CFAP53: variants seen among roughly 807,000 people sequenced by gnomAD.
CFAP53 encodes the protein cilia and flagella associated protein 53, also known as cilia- and flagella-associated protein 53.
In CFAP53, 62 loss-of-function variants were observed where a neutral mutation model predicts 59.7. That is an observed-to-expected ratio of 1.04 (90% CI 0.85 to 1.28). The LOEUF is 1.28. CFAP53 is among the 50% of genes most tolerant of loss of function. The probability of loss-of-function intolerance (pLI) is 0.00; values close to 1 mark genes in which losing one functional copy is unlikely to be tolerated. For synonymous variants in CFAP53, 218 were observed against 205.7 expected, an observed-to-expected ratio of 1.06 and a Z score of -0.51; for missense variants, 629 against 615.6, an observed-to-expected ratio of 1.02 and a Z score of -0.23.
chr18:50,254,328 C>G (rs1455340904), intron 3 of CFAP53, among the ~76,000 whole-genome samples: 1 of 150,824 alleles, frequency 6.6e-6, no homozygotes, highest in Non-Finnish European at 1.5e-5. Context: ...GACATTTCAC[C>G]AAAGAAAATG....
intron 7 of CFAP53, among the ~76,000 whole-genome samples, chr18:50,236,670 C>A (rs2033636286): frequency 6.6e-6 from 1 of 152,132 alleles, no homozygotes; most frequent in South Asian, 2.1e-4. Context: ...TAACTGAGAT[C>A]CCTGACTACA....
intron 1 of CFAP53, among the ~76,000 whole-genome samples, chr18:50,266,076 A>G (rs1420370857): frequency 2.6e-5 from 4 of 152,230 alleles, no homozygotes; most frequent in Non-Finnish European, 5.9e-5. Flanking sequence ...TGATTCTCCA[A>G]AAACAGAACC....
intron 5 of CFAP53, among the ~76,000 whole-genome samples, chr18:50,244,200 T>C (rs2033720739): frequency 1.3e-5 from 2 of 152,218 alleles, no homozygotes; most frequent in Non-Finnish European, 2.9e-5. Context: ...TTTGGCTCTG[T>C]GTCCCCATCC....
intron 5 of CFAP53, among the ~76,000 whole-genome samples, chr18:50,248,667 C>A (rs1314089123): frequency 4.0e-5 from 6 of 151,548 alleles, no homozygotes. Flanking sequence ...CACCTGTAAT[C>A]CTAGCTACTC....
intron 7 of CFAP53, 34 bp from the exon 8 acceptor site, chr18:50,227,643 T>C (rs1245029329): frequency 1.4e-6 from 2 of 1,457,500 alleles, no homozygotes; most frequent in African/African-American, 2.8e-5. Context: ...CATAAAATTA[T>C]AAAAGTAAGC....
rs1412102729 is a variant in CFAP53 at position 50,238,658 on chromosome 18, G to A, written c.1261C>T (p.His421Tyr). 3.1e-6 allele frequency: 5 copies of A among 1,611,810 alleles called. No homozygotes were observed. The African/African-American group carries it at 5.3e-5, about 17-fold the overall frequency. ...AGTTCTTTAAGACTTTCATTTATGTGTTTCTGTTCCATAGCACGTTCTTCC... is the reference window on the plus strand; with the variant it reads ...AGTTCTTTAAGACTTTCATTTATGTATTTCTGTTCCATAGCACGTTCTTCC... The part of the protein sequence containing the change: ...EQEERAMEQK[H>Y]INESLKELNC... The change falls in exon 7 of 8, where the codon CAC (histidine) becomes TAC (tyrosine). Residue 421 changes from histidine to tyrosine, a missense_variant. Transcript: ENST00000398545.
chr18:50,248,779 C>T (rs1287263832), intron 5 of CFAP53, among the ~76,000 whole-genome samples: 3 of 141,950 alleles, frequency 2.1e-5, no homozygotes, highest in African/African-American at 5.3e-5. Context: ...AGCAAGACTC[C>T]GCCTAAAAAA....
intron 7 of CFAP53, among the ~76,000 whole-genome samples, chr18:50,233,072 G>C (rs1222036921): frequency 6.6e-6 from 1 of 152,186 alleles, no homozygotes; most frequent in Admixed American, 6.5e-5. Context: ...GCACTATAAA[G>C]TTAAGTGAAG....
rs562592331 is a variant in CFAP53, at chr18:50,263,981, T to C, written c.70-1762A>G. On this transcript the variant is annotated intron_variant, in intron 1 of 7. Coordinates refer to ENST00000398545, the MANE Select transcript of CFAP53 (RefSeq NM_145020.5). ...GCCAATCCCAGCACAGTCGTGGTAT[T>C]GTTCAAAGTCTGTACTGTTCAATAT... 7.9e-5 allele frequency among the ~76,000 whole-genome samples: 12 copies of C among 152,380 alleles called. No individual in the cohort carries two copies. In the East Asian group the frequency reaches 1.7e-3, roughly 22 times the overall value.
intron 1 of CFAP53, 28 bp from the exon 2 acceptor site, chr18:50,262,247 T>C (rs780601513): frequency 3.2e-6 from 5 of 1,566,454 alleles, no homozygotes; most frequent in East Asian, 4.5e-5. Flanking sequence ...CTATCACTTA[T>C]AATAAGCCAA....
In CFAP53 at chr18:50,266,455, C is replaced by G. The variant is rs555917558; in HGVS notation, c.-51G>C. 13 of 1,578,464 alleles carry G rather than the reference C, an allele frequency of 8.2e-6. No individual in the cohort carries two copies. The highest frequency in any genetic ancestry group is 1.3e-5 in the African/African-American group (1 of 74,264). Reference sequence around the variant, plus strand: ...CGGCGTCCGCCGCGTTTCCCCCAACCGTGGCGACCTGCGGGACCCGCTTCC... The same window carrying G: ...CGGCGTCCGCCGCGTTTCCCCCAACGGTGGCGACCTGCGGGACCCGCTTCC... On this transcript the variant is annotated 5_prime_UTR_variant, in exon 1 of 8. Transcript: ENST00000398545.
At position 50,251,521 on chromosome 18, in the gene CFAP53, T is replaced by A. The variant is rs776670631; in HGVS notation, c.737A>T (p.Gln246Leu). 9 of 1,614,098 alleles carry A rather than the reference T, an allele frequency of 5.6e-6. No homozygotes were observed. In the Admixed American group the frequency reaches 1.5e-4, roughly 27 times the overall value. Residue 246 changes from glutamine to leucine, a missense_variant, in exon 4 of 8, where the codon CAG becomes CTG. Physicochemically the swap from Gln to Leu is moderately radical, Grantham distance 113 (BLOSUM62 -2). Transcript: ENST00000398545. Reference sequence around the variant, plus strand: ...CTCTTCCTTCAGCAGCTGTGTCGCCTGCCTTTGTGCCTTGATGCTGGTGAT... The same window carrying A: ...CTCTTCCTTCAGCAGCTGTGTCGCCAGCCTTTGTGCCTTGATGCTGGTGAT... ...AQITSIKAQR[Q>L]ATQLLKEEEA...
chr18:50,227,231 G>A lies in CFAP53; in HGVS notation c.*150C>T. On this transcript the variant is annotated 3_prime_UTR_variant, in exon 8 of 8. Transcript: ENST00000398545. ...GTCTGTGAACTCCAAAATAGGCACAGGTTTATTCAAAGGAAGAAAATTATG... is the reference window on the plus strand; with the variant it reads ...GTCTGTGAACTCCAAAATAGGCACAAGTTTATTCAAAGGAAGAAAATTATG... The A allele has an allele frequency of 1.6e-6, 1 of 631,822 alleles. No homozygotes were observed. Among genetic ancestry groups the A allele is most frequent in the Non-Finnish European group, 2.7e-6 (1 of 367,468 alleles). The allele number at this position is 631,822 out of a possible 1,614,324, so 39.1% of individuals were successfully genotyped here.
At chr18:50,240,536 C>A (rs1259913429) in intron 6 of CFAP53, among the ~76,000 whole-genome samples, 1 of 152,150 alleles carries the variant, frequency 6.6e-6, no homozygotes, top group Admixed American at 6.6e-5. Context: ...CCTCCCTTGC[C>A]CAGATGTGCT....
intron 3 of CFAP53, among the ~76,000 whole-genome samples, chr18:50,256,930 C>T (rs1431833344): frequency 6.7e-6 from 1 of 148,400 alleles, no homozygotes; most frequent in Non-Finnish European, 1.5e-5. Context: ...ACATGATACA[C>T]ACCTTGCCCC....
In CFAP53 at chr18:50,251,585, C is replaced by T. The variant is rs779180443; in HGVS notation, c.673G>A (p.Glu225Lys). ...REAQEARRQK[E>K]LMENTRLGLN... is the part of the protein sequence containing the mutation. ...CCCAGGCGTGTGTTCTCCATCAGCT[C>T]TTTCTGTCTCCTCGCCTCTTGGGCT... is the stretch of plus-strand genomic sequence containing the variant. The change falls in exon 4 of 8, where the codon GAG becomes AAG. Residue 225 changes from glutamate to lysine, a missense_variant. Glu to Lys is a moderately conservative substitution (Grantham distance 56). Coordinates refer to ENST00000398545, the MANE Select transcript of CFAP53 (RefSeq NM_145020.5). 21 of 1,614,250 alleles carry T rather than the reference C, an allele frequency of 1.3e-5. No homozygotes were observed. Among genetic ancestry groups the T allele is most frequent in the Non-Finnish European group, 1.7e-5 (20 of 1,180,046 alleles).
chr18:50,245,244 C>T (rs1331904927), intron 5 of CFAP53, among the ~76,000 whole-genome samples: 6 of 150,160 alleles, frequency 4.0e-5, no homozygotes, highest in Non-Finnish European at 4.4e-5. Flanking sequence ...TAGCCAGGCG[C>T]GGTGGTGGGC....
chr18:50,245,879 T>C (rs1028429736), intron 5 of CFAP53, among the ~76,000 whole-genome samples: 1 of 152,142 alleles, frequency 6.6e-6, no homozygotes, highest in Non-Finnish European at 1.5e-5. Flanking sequence ...GAGATGAAGT[T>C]TCACTCTGGT....
chr18:50,263,590 C>A (rs928306874), intron 1 of CFAP53, among the ~76,000 whole-genome samples: 6 of 152,108 alleles, frequency 3.9e-5, no homozygotes, highest in African/African-American at 1.2e-4. Context: ...GAGCCTAGAG[C>A]CAGCTAATTA....
Sources: allele counts gnomAD v4.1 joint callset (sites outside exome capture counted in the v4.1 genomes callset), GRCh38; gene constraint gnomAD v4.1.1; transcripts MANE v1.5; gene names NCBI Gene and HGNC (gene_info 2026-07-23, HGNC 2026-07-21).